Variants in LMO7 observed in about 807,000 individuals in gnomAD.
LMO7 encodes LIM domain 7, also known as LIM domain only protein 7.
Under a neutral mutation model 206.5 loss-of-function variants are expected in LMO7, and 120 were observed. The observed-to-expected ratio is 0.58, with a 90% CI of 0.50 to 0.68. The LOEUF (loss-of-function observed/expected upper bound fraction) is 0.68, where lower values mean the gene tolerates loss of function less well. Among genes scored for constraint, LMO7 ranks in the 30% least tolerant of loss-of-function variants. LMO7 has a pLI of 0.00. For synonymous variants in LMO7, 706 were observed against 681.5 expected (o/e 1.04, Z -0.56); for missense variants, 1,959 against 1,957.9 (o/e 1.00, Z -0.01).
At chr13:75,635,038 C>CAA, upstream of LMO7, among the ~76,000 whole-genome samples, 1 of 137,184 alleles carries the variant, frequency 7.3e-6, no homozygotes, top group Non-Finnish European at 1.6e-5. Flanking sequence ...CAAAACAAAA[C>CAA]AAAAACAAAC....
At chr13:75,689,465 A>G (rs2041277877) in intron 1 of LMO7, among the ~76,000 whole-genome samples, 6 of 152,206 alleles carry the variant, frequency 3.9e-5, no homozygotes, top group Admixed American at 3.9e-4. Flanking sequence ...TTGAGTGTCA[A>G]CTTGATGGAT....
chr13:75,626,331 C>T (rs569833964), intron 2 of LMO7, among the ~76,000 whole-genome samples: 420 of 151,574 alleles, frequency 2.8e-3, no homozygotes, highest in Non-Finnish European at 3.7e-3. Context: ...GAAAGGCACT[C>T]CTTACATGGT....
At chr13:75,805,789 C>A (rs2055370214) in intron 9 of LMO7, 29 bp downstream of exon 9, 3 of 1,605,802 alleles carry the variant, frequency 1.9e-6, no homozygotes, top group African/African-American at 1.3e-5. Flanking sequence ...TTCTGTCACA[C>A]CAGTGTTCAT....
At chr13:75,635,023 C>A (rs377009189), upstream of LMO7, among the ~76,000 whole-genome samples, 5 of 147,464 alleles carry the variant, frequency 3.4e-5, no homozygotes, top group Admixed American at 1.4e-4. Context: ...CAAAACAAAA[C>A]AAAACAAAAC....
Position 75,755,778 on chromosome 13 carries a change from A to G in LMO7, c.211-5154A>G, listed in dbSNP as rs1403008254. On this transcript the variant is annotated intron_variant, in intron 3 of 30. Transcript: ENST00000377534. Reference sequence around the variant, plus strand: ...GTCCCAGTGATTCTCACTTTGTGATATTCTCTTCCTTGTACCTAGGAATTC... The same window carrying G: ...GTCCCAGTGATTCTCACTTTGTGATGTTCTCTTCCTTGTACCTAGGAATTC... 2.0e-5 allele frequency among the ~76,000 whole-genome samples: 3 copies of G among 152,188 alleles called. No homozygotes were observed. The East Asian group carries it at 5.8e-4, about 29-fold the overall frequency.
In LMO7 at chr13:75,718,276, A is replaced by T. The variant is rs181703965; in HGVS notation, c.140+5024A>T. 4.6e-3 allele frequency among the ~76,000 whole-genome samples: 699 copies of T among 152,344 alleles called. 3 individuals are homozygous for T. The highest frequency in any genetic ancestry group is 6.9e-3 in the Non-Finnish European group (472 of 68,034). On this transcript the variant is annotated intron_variant, in intron 2 of 30. Coordinates refer to ENST00000377534, the MANE Select transcript of LMO7 (RefSeq NM_001306080.2). ...TTCAGTTATGGTAGAGACACTCTAA[A>T]GACTCATTTCAAGTTTTGCAGAAGG...
At chr13:75,764,566 G>T (rs990174374) in intron 4 of LMO7, among the ~76,000 whole-genome samples, 1 of 152,168 alleles carries the variant, frequency 6.6e-6, no homozygotes, top group Non-Finnish European at 1.5e-5. Flanking sequence ...TAGAGGTCCT[G>T]TATTGGAGAA....
At chr13:75,787,225 T>C (rs552672668) in intron 4 of LMO7, among the ~76,000 whole-genome samples, 1 of 152,298 alleles carries the variant, frequency 6.6e-6, no homozygotes, top group African/African-American at 2.4e-5. Context: ...TACCGTCTAA[T>C]GGGGAGACAC....
intron 3 of LMO7, among the ~76,000 whole-genome samples, chr13:75,757,863 G>A (rs1399744598): frequency 6.6e-6 from 1 of 150,738 alleles, no homozygotes; most frequent in Admixed American, 6.6e-5. Flanking sequence ...TCTTTGAGAA[G>A]CCACTTTTGG....
At chr13:75,639,277 T>C (rs1239668825) in intron 1 of LMO7, among the ~76,000 whole-genome samples, 2 of 152,224 alleles carry the variant, frequency 1.3e-5, no homozygotes, top group African/African-American at 2.4e-5. Context: ...TTTATGAATC[T>C]TGTTTTTACT....
chr13:75,711,260 CT>C (rs968159865), intron 1 of LMO7, among the ~76,000 whole-genome samples: 2 of 152,088 alleles, frequency 1.3e-5, no homozygotes. Flanking sequence ...CTAAAATTCT[CT>C]TTTTTGGTTG....
chr13:75,830,433 T>A (rs1566566250), intron 15 of LMO7, among the ~76,000 whole-genome samples: 1 of 152,134 alleles, frequency 6.6e-6, no homozygotes, highest in African/African-American at 2.4e-5. Context: ...AAATTAAAAA[T>A]CAGTATTTTT....
chr13:75,842,868 A>T lies in LMO7; in HGVS notation c.4049A>T (p.Asp1350Val), dbSNP rs2139286762. The T allele has an allele frequency of 1.2e-6, 2 of 1,606,912 alleles. No homozygotes were observed. The highest frequency in any genetic ancestry group is 2.2e-5 in the South Asian group (2 of 90,914). ...TCTTTTAGGCCTGTTGATTCCTATG[A>T]TATACCAAAGACAGAAGAAGCATCT... ...YQYRRPVDSYDIPKTEEASSG... is the reference protein window; with the variant it reads ...YQYRRPVDSYVIPKTEEASSG... The change falls in exon 25 of 31, where the codon GAT (aspartate) becomes GTT (valine). Residue 1350 changes from aspartate (D) to valine (V), a missense_variant. By Grantham distance (152) the Asp-to-Val change is radical (BLOSUM62 -3). Coordinates refer to ENST00000377534, the MANE Select transcript of LMO7 (RefSeq NM_001306080.2).
At position 75,859,167 on chromosome 13, in the gene LMO7, G is replaced by A. The variant is rs528195120; in HGVS notation, c.*1224G>A. 1 of 152,322 alleles carries A rather than the reference G, an allele frequency of 6.6e-6. No individual in the cohort carries two copies. Among genetic ancestry groups the A allele is most frequent in the East Asian group, 1.9e-4 (1 of 5,194 alleles). The allele number at this position is 152,322 out of a possible 1,614,324, so 9.4% of individuals were successfully genotyped here. ...ACTGGAATCTTTTATAATAATGTAA[G>A]TGGAATGGAGGATTCTAGGAACTGA... On this transcript the variant is annotated 3_prime_UTR_variant, in exon 31 of 31. Coordinates refer to ENST00000377534, the MANE Select transcript of LMO7 (RefSeq NM_001306080.2).
rs2141001127 is a variant in LMO7, at chr13:75,804,522, G to A, written c.895G>A (p.Ala299Thr). Residue 299 changes from alanine to threonine, a missense_variant, in exon 8 of 31, where the codon GCA becomes ACA. Coordinates refer to ENST00000377534, the MANE Select transcript of LMO7 (RefSeq NM_001306080.2). The stretch of plus-strand genomic sequence containing the variant: ...TTGGGCAAGCCCGGTTTATACAGAA[G>A]CAGATGGAACATTTTCAAGGTACTG... ...RSWASPVYTE[A>T]DGTFSSNQRR... 6.2e-7 allele frequency: 1 copy of A among 1,613,914 alleles called. No homozygotes were observed. The highest frequency in any genetic ancestry group is 1.7e-4 in the Middle Eastern group (1 of 6,060).
rs755046248 is a variant in LMO7 at position 75,795,441 on chromosome 13, A to T, written c.348+10A>T. On this transcript the variant is annotated intron_variant, in intron 5 of 30. Coordinates refer to ENST00000377534, the MANE Select transcript of LMO7 (RefSeq NM_001306080.2). ...CAGGAGAGTGAAAAATGTAAGATACATTTACCTTAATGGAGCATTATAAGT... is the reference window on the plus strand; with the variant it reads ...CAGGAGAGTGAAAAATGTAAGATACTTTTACCTTAATGGAGCATTATAAGT... 2 of 1,577,290 alleles carry T rather than the reference A, an allele frequency of 1.3e-6. No homozygotes were observed. The highest frequency in any genetic ancestry group is 8.7e-7 in the Non-Finnish European group (1 of 1,152,608).
At chr13:75,704,999 T>C (rs1443640053) in intron 1 of LMO7, among the ~76,000 whole-genome samples, 1 of 152,270 alleles carries the variant, frequency 6.6e-6, no homozygotes, top group Non-Finnish European at 1.5e-5. Context: ...GAACCTGTTT[T>C]TTAATAACTT....
At chr13:75,850,246 G>A (rs1394243301) in intron 27 of LMO7, among the ~76,000 whole-genome samples, 2 of 152,220 alleles carry the variant, frequency 1.3e-5, no homozygotes, top group Non-Finnish European at 2.9e-5. Flanking sequence ...CACTGGATTT[G>A]TAAAGAGTTA....
At chr13:75,854,923 A>G (rs2060798402) in intron 28 of LMO7, 1 of 177,810 alleles carries the variant, frequency 5.6e-6, no homozygotes, top group South Asian at 1.8e-4. Flanking sequence ...TTAACTGGCA[A>G]GAAGATGTAG....
Sources: gnomAD v4.1 joint callset for allele counts (sites outside exome capture counted in the v4.1 genomes callset) on GRCh38, gnomAD v4.1.1 for gene constraint, MANE v1.5 for transcripts, NCBI Gene and HGNC (gene_info 2026-07-23, HGNC 2026-07-21) for gene names.